The following CADM2 variants were observed in gnomAD, a reference collection of about 807,000 sequenced individuals.
CADM2 encodes immunoglobulin superfamily member 4D.
A neutral mutation model predicts 49.8 loss-of-function variants in CADM2; 12 were observed. That is an observed-to-expected ratio of 0.24 (90% confidence interval 0.15 to 0.39). The LOEUF (loss-of-function observed/expected upper bound fraction) is 0.39. Ranked by LOEUF, CADM2 falls within the 10% of genes least tolerant of loss-of-function variation. The probability of loss-of-function intolerance (pLI) is 1.00; values close to 1 mark genes in which losing one functional copy is unlikely to be tolerated. For missense variants in CADM2, 378 were observed against 492.3 expected, an observed-to-expected ratio of 0.77 and a Z score of 2.20; for synonymous variants, 214 against 175.4, an observed-to-expected ratio of 1.22 and a Z score of -1.74.
intron 1 of CADM2, among the ~76,000 whole-genome samples, chr3:85,533,651 T>C (rs1002527759): frequency 5.3e-5 from 8 of 152,138 alleles, no homozygotes. Flanking sequence ...CTAAAATAAG[T>C]AAAACCCTGT....
chr3:85,025,537 G>C (rs543931516), intron 1 of CADM2, among the ~76,000 whole-genome samples: 1 of 152,248 alleles, frequency 6.6e-6, no homozygotes, highest in South Asian at 2.1e-4. Context: ...CATTGGGCTT[G>C]CTAGCGTTTG....
At chr3:85,439,721 C>T (rs1366895071) in intron 1 of CADM2, among the ~76,000 whole-genome samples, 1 of 151,678 alleles carries the variant, frequency 6.6e-6, no homozygotes, top group Non-Finnish European at 1.5e-5. Context: ...ATGGACTGTC[C>T]CTAAAATCTT....
intron 1 of CADM2, among the ~76,000 whole-genome samples, chr3:85,051,697 C>T (rs2035888359): frequency 1.3e-5 from 2 of 152,256 alleles, no homozygotes; most frequent in African/African-American, 2.4e-5. Context: ...CATACCTTTC[C>T]ACAAATTTCC....
chr3:85,208,257 G>A (rs1369431050), intron 1 of CADM2, among the ~76,000 whole-genome samples: 1 of 152,080 alleles, frequency 6.6e-6, no homozygotes, highest in East Asian at 1.9e-4. Context: ...AAGATTTTAA[G>A]TATGCTTTGT....
At chr3:85,533,112 T>A (rs1405675684) in intron 1 of CADM2, among the ~76,000 whole-genome samples, 2 of 152,188 alleles carry the variant, frequency 1.3e-5, no homozygotes, top group African/African-American at 4.8e-5. Context: ...GACACAAGTT[T>A]ACCTATGTAA....
intron 1 of CADM2, among the ~76,000 whole-genome samples, chr3:85,242,765 T>G (rs2042559992): frequency 6.6e-6 from 1 of 151,790 alleles, no homozygotes; most frequent in African/African-American, 2.4e-5. Context: ...ATATTTTTCA[T>G]TTTAAGAAAT....
At chr3:85,876,233 C>T (rs1242257065) in intron 3 of CADM2, among the ~76,000 whole-genome samples, 2 of 151,986 alleles carry the variant, frequency 1.3e-5, no homozygotes, top group Non-Finnish European at 2.9e-5. Flanking sequence ...TTTCTATCAT[C>T]CTGATGTAGG....
intron 1 of CADM2, among the ~76,000 whole-genome samples, chr3:85,082,446 T>C (rs2037201925): frequency 6.6e-6 from 1 of 152,172 alleles, no homozygotes; most frequent in Admixed American, 6.6e-5. Flanking sequence ...AAGGACAAAG[T>C]TATTTCACAG....
chr3:85,958,586 GAC>G (rs1305516018), intron 7 of CADM2, among the ~76,000 whole-genome samples: 1 of 151,890 alleles, frequency 6.6e-6, no homozygotes, highest in African/African-American at 2.4e-5. Context: ...CTAATGTAAA[GAC>G]ACATGCACAC....
intron 1 of CADM2, among the ~76,000 whole-genome samples, chr3:85,622,046 T>G (rs2063993900): frequency 6.6e-6 from 1 of 152,220 alleles, no homozygotes; most frequent in South Asian, 2.1e-4. Flanking sequence ...ACTGTAAGCT[T>G]AGAATATTAA....
chr3:86,015,457 A>T (rs1215750450), intron 8 of CADM2, among the ~76,000 whole-genome samples: 1 of 152,196 alleles, frequency 6.6e-6, no homozygotes, highest in African/African-American at 2.4e-5. Flanking sequence ...TCTTTGAAGA[A>T]GTATGTTTTG....
In CADM2 at chr3:85,544,700, A is replaced by G. The variant is rs114970521; in HGVS notation, c.62-181822A>G. ...GATGCAACGAAATAAACCATTTGAC[A>G]TGATAACTTTATTACTGGAGTGGAA... On this transcript the variant is annotated intron_variant, in intron 1 of 9. Transcript: ENST00000383699. Among the ~76,000 whole-genome samples, 1,368 of 152,318 alleles carry G rather than the reference A, an allele frequency of 9.0e-3. 21 individuals carry two copies. The highest frequency in any genetic ancestry group is 0.03 in the African/African-American group (1,244 of 41,570).
intron 1 of CADM2, among the ~76,000 whole-genome samples, chr3:85,391,084 G>A (rs1264989064): frequency 6.6e-6 from 1 of 152,026 alleles, no homozygotes; most frequent in East Asian, 1.9e-4. Context: ...TACTTCATTA[G>A]TATGTGCTGA....
intron 7 of CADM2, among the ~76,000 whole-genome samples, chr3:85,952,042 G>T (rs1323060976): frequency 6.6e-6 from 1 of 150,556 alleles, no homozygotes; most frequent in African/African-American, 2.4e-5. Flanking sequence ...TAAGAAAGTA[G>T]CGAACTGAAC....
chr3:85,336,327 A>T (rs1468449442), intron 1 of CADM2, among the ~76,000 whole-genome samples: 1 of 151,546 alleles, frequency 6.6e-6, no homozygotes, highest in African/African-American at 2.4e-5. Flanking sequence ...AAAAGCTTTA[A>T]TAATAGGTTG....
At chr3:84,966,463 T>G (rs2030988790) in intron 1 of CADM2, among the ~76,000 whole-genome samples, 3 of 152,066 alleles carry the variant, frequency 2.0e-5, no homozygotes, top group Admixed American at 2.0e-4. Context: ...CAATTAAGGT[T>G]AAGAATTTTA....
chr3:85,114,037 G>T (rs188140111), intron 1 of CADM2, among the ~76,000 whole-genome samples: 29 of 151,984 alleles, frequency 1.9e-4, no homozygotes, highest in Non-Finnish European at 3.5e-4. Context: ...GTGTGACCTT[G>T]TTATTTTTAA....
chr3:85,878,830 T>A (rs1194695289), intron 3 of CADM2, among the ~76,000 whole-genome samples: 1 of 152,066 alleles, frequency 6.6e-6, no homozygotes, highest in Admixed American at 6.6e-5. Context: ...ATTCCTTTTG[T>A]CTGGATTCAC....
chr3:85,982,102 T>C (rs1727548473), intron 8 of CADM2, among the ~76,000 whole-genome samples: 1 of 151,718 alleles, frequency 6.6e-6, no homozygotes, highest in Non-Finnish European at 1.5e-5. Flanking sequence ...TCTCTAATGA[T>C]TAGTGATGTT....
Sources: gnomAD v4.1 joint callset for allele counts (sites outside exome capture counted in the v4.1 genomes callset) on GRCh38, gnomAD v4.1.1 for gene constraint, MANE v1.5 for transcripts, NCBI Gene and HGNC (gene_info 2026-07-23, HGNC 2026-07-21) for gene names.